Variants in ZNF101 observed in about 807,000 individuals in gnomAD.
ZNF101 encodes the protein zinc finger protein 101.
ZNF101 carries 34 observed loss-of-function variants against 42.6 expected under a neutral mutation model. The observed-to-expected ratio is 0.80, with a 90% confidence interval of 0.61 to 1.06. The LOEUF is 1.06. ZNF101 is among the 50% of genes least tolerant of loss of function. ZNF101 has a pLI of 0.00. For synonymous variants in ZNF101, 158 were observed against 183.9 expected, an observed-to-expected ratio of 0.86 and a Z score of 1.14; for missense variants, 466 against 530.9, an observed-to-expected ratio of 0.88 and a Z score of 1.20.
Position 19,679,518 on chromosome 19 carries a change from G to T in ZNF101, c.529G>T (p.Ala177Ser), listed in dbSNP as rs2062224409. 6.2e-7 allele frequency: 1 copy of T among 1,614,054 alleles called. No homozygotes were observed. Among genetic ancestry groups the T allele is most frequent in the Non-Finnish European group, 8.5e-7 (1 of 1,180,042 alleles). ...RPYECKVCGK[A>S]FNSPNLFQIH... Reference sequence around the variant, plus strand: ...TTATGAATGCAAGGTGTGCGGGAAAGCCTTTAATTCTCCCAATTTATTTCA... The same window carrying T: ...TTATGAATGCAAGGTGTGCGGGAAATCCTTTAATTCTCCCAATTTATTTCA... Residue 177 changes from alanine (A) to serine (S), a missense_variant, in exon 4 of 4, where the codon GCC becomes TCC. Ala to Ser is a moderately conservative substitution (Grantham distance 99). Transcript: ENST00000592502.
chr19:19,671,213 A>T (rs913202351), intron 1 of ZNF101, among the ~76,000 whole-genome samples: 4 of 152,130 alleles, frequency 2.6e-5, no homozygotes, highest in African/African-American at 9.7e-5. Context: ...GGAATTTGTG[A>T]TGGTGGATAA....
chr19:19,669,251 C>T (rs1034994427), intron 1 of ZNF101, among the ~76,000 whole-genome samples: 4 of 152,188 alleles, frequency 2.6e-5, no homozygotes, highest in African/African-American at 9.6e-5. Context: ...GGGGGAATCC[C>T]GCCTCGGGTG....
At chr19:19,673,548 A>G (rs1353059846) in intron 1 of ZNF101, among the ~76,000 whole-genome samples, 1 of 151,662 alleles carries the variant, frequency 6.6e-6, no homozygotes, top group Non-Finnish European at 1.5e-5. Context: ...GCACCTGGCC[A>G]AATAATGTAA....
intron 1 of ZNF101, among the ~76,000 whole-genome samples, chr19:19,671,351 A>G (rs2062168425): frequency 6.6e-6 from 1 of 152,180 alleles, no homozygotes. Context: ...TGGAAAAAAT[A>G]CTGAATGACA....
intron 1 of ZNF101, among the ~76,000 whole-genome samples, chr19:19,675,190 T>G (rs1354119714): frequency 6.6e-6 from 1 of 151,702 alleles, no homozygotes; most frequent in East Asian, 1.9e-4. Context: ...CAGGCTGGAG[T>G]GTAATGGCAT....
Position 19,677,919 on chromosome 19 carries a change from T to C in ZNF101, c.59T>C (p.Leu20Ser). The C allele has an allele frequency of 6.2e-7, 1 of 1,612,724 alleles. No individual in the cohort carries two copies. Residue 20 changes from leucine to serine, a missense_variant, in exon 2 of 4, where the codon TTG becomes TCG. Physicochemically the swap from Leu to Ser is moderately radical, Grantham distance 145 (BLOSUM62 -2). Transcript: ENST00000592502. Reference sequence around the variant, plus strand: ...AACTTCACCCAGGAGGAGTGGGCTTTGCTGAGTCCTTCCCAGAAGAATCTC... The same window carrying C: ...AACTTCACCCAGGAGGAGTGGGCTTCGCTGAGTCCTTCCCAGAAGAATCTC... ...AVNFTQEEWALLSPSQKNLYR... is the reference protein window; with the variant it reads ...AVNFTQEEWASLSPSQKNLYR...
intron 1 of ZNF101, 139 bp from the exon 2 acceptor site, chr19:19,677,725 G>A (rs191797000): frequency 1.3e-6 from 1 of 797,462 alleles, no homozygotes; most frequent in Admixed American, 5.2e-5. Flanking sequence ...GGAAGTGCGT[G>A]TAGATAGGAG....
intron 3 of ZNF101, 146 bp from the exon 4 acceptor site, chr19:19,679,034 CA>C (rs1361802961): frequency 3.2e-5 from 43 of 1,358,688 alleles, no homozygotes; most frequent in Non-Finnish European, 4.2e-5. Flanking sequence ...GCAGAATCAT[CA>C]ATACACTTCC....
Position 19,679,426 on chromosome 19 carries a change from A to G in ZNF101, c.437A>G (p.His146Arg), listed in dbSNP as rs138984536. 9.6e-4 allele frequency: 1,546 copies of G among 1,614,054 alleles called. 3 individuals carry two copies. The highest frequency in any genetic ancestry group is 1.3e-3 in the Non-Finnish European group (1,499 of 1,179,952). ...GAGACGCCCCGTAAACAGAAACAAC[A>G]TGGGAAAGCCTCCATTTCCCCCAGT... Reference protein sequence around the residue: ...WRETPRKQKQHGKASISPSSG... With the variant: ...WRETPRKQKQRGKASISPSSG... The change falls in exon 4 of 4, where the codon CAT (histidine) becomes CGT (arginine). Residue 146 changes from histidine (H) to arginine (R), a missense_variant. Coordinates refer to ENST00000592502, the MANE Select transcript of ZNF101 (RefSeq NM_033204.4).
chr19:19,668,921 T>A lies in ZNF101; in HGVS notation c.-43T>A. On this transcript the variant is annotated 5_prime_UTR_variant, in exon 1 of 4. Coordinates refer to ENST00000592502, the MANE Select transcript of ZNF101 (RefSeq NM_033204.4). Reference sequence around the variant, plus strand: ...TTTGTCGTGTGGGACCTGTTCTGGCTGCTCCAGCCCCAGGAAGGACCCAGG... The same window carrying A: ...TTTGTCGTGTGGGACCTGTTCTGGCAGCTCCAGCCCCAGGAAGGACCCAGG... 6.4e-7 allele frequency: 1 copy of A among 1,573,988 alleles called. No homozygotes were observed. Among genetic ancestry groups the A allele is most frequent in the Non-Finnish European group, 8.6e-7 (1 of 1,160,092 alleles).
intron 1 of ZNF101, 148 bp from the exon 2 acceptor site, chr19:19,677,716 G>C: frequency 8.6e-7 from 1 of 1,164,406 alleles, no homozygotes; most frequent in Non-Finnish European, 1.1e-6. Flanking sequence ...TGCGAGGGAG[G>C]AAGTGCGTGT....
chr19:19,678,906 A>G (rs1409030881), intron 3 of ZNF101, 120 bp downstream of exon 3: 1 of 1,012,188 alleles, frequency 9.9e-7, no homozygotes, highest in Admixed American at 2.9e-5. Flanking sequence ...GATTATTAGA[A>G]GATTGCTACC....
rs979201723 is a variant in ZNF101 at position 19,678,643 on chromosome 19, G to T, written c.131-83G>T. On this transcript the variant is annotated intron_variant, in intron 2 of 3. Coordinates refer to ENST00000592502, the MANE Select transcript of ZNF101 (RefSeq NM_033204.4). The stretch of plus-strand genomic sequence containing the variant: ...AAAAAAAAAAAAATCAGGCATTGTG[G>T]CAGTGTTTAATGAACTTAGAACCTA... The T allele has an allele frequency of 1.3e-5, 16 of 1,189,224 alleles. No individual in the cohort carries two copies. The Admixed American group carries it at 2.2e-4, about 16-fold the overall frequency. The allele number at this position is 1,189,224 out of a possible 1,614,324, so 73.7% of individuals were successfully genotyped here. A position where few individuals can be genotyped will look rare whatever the true frequency, so the allele number is the denominator to read the frequency against.
chr19:19,671,636 A>G (rs2062171071), intron 1 of ZNF101, among the ~76,000 whole-genome samples: 1 of 151,322 alleles, frequency 6.6e-6, no homozygotes, highest in South Asian at 2.1e-4. Flanking sequence ...AGTAGCTGGG[A>G]CTACAGGTGC....
rs201804406 is a variant in ZNF101 at position 19,679,326 on chromosome 19, C to A, written c.337C>A (p.Arg113Ser). ...KCSVCGKVFL[R>S]HSFLDRHMRA... Reference sequence around the variant, plus strand: ...CAGCGTGTGTGGGAAAGTCTTCCTCCGTCATTCATTCCTGGACAGGCACAT... The same window carrying A: ...CAGCGTGTGTGGGAAAGTCTTCCTCAGTCATTCATTCCTGGACAGGCACAT... Residue 113 changes from arginine (R) to serine (S), a missense_variant, in exon 4 of 4, where the codon CGT (arginine) becomes AGT (serine). Coordinates refer to ENST00000592502, the MANE Select transcript of ZNF101 (RefSeq NM_033204.4). The A allele has an allele frequency of 2.0e-5, 33 of 1,613,984 alleles. No individual in the cohort carries two copies. Among genetic ancestry groups the A allele is most frequent in the Non-Finnish European group, 2.6e-5 (31 of 1,180,030 alleles).
chr19:19,672,779 G>A (rs2062178886), intron 1 of ZNF101, among the ~76,000 whole-genome samples: 1 of 151,884 alleles, frequency 6.6e-6, no homozygotes, highest in Non-Finnish European at 1.5e-5. Flanking sequence ...CTCCCACTTC[G>A]ACCTCCCAAA....
At position 19,681,081 on chromosome 19, in the gene ZNF101, A is replaced by G. The variant is rs1164178346; in HGVS notation, c.*781A>G. ...CAGTGAGCTGAGATCGTGCCACTACACTCCAGCCTGGATGACGGTGACACT... is the reference window on the plus strand; with the variant it reads ...CAGTGAGCTGAGATCGTGCCACTACGCTCCAGCCTGGATGACGGTGACACT... On this transcript the variant is annotated 3_prime_UTR_variant, in exon 4 of 4. Transcript: ENST00000592502. 2 of 152,138 alleles carry G rather than the reference A, an allele frequency of 1.3e-5. No individual in the cohort carries two copies. Among genetic ancestry groups the G allele is most frequent in the East Asian group, 1.9e-4 (1 of 5,188 alleles). 9.4% of individuals were successfully genotyped at this position (152,138 alleles called of 1,614,324 possible). A position where few individuals can be genotyped will look rare whatever the true frequency, so the allele number is the denominator to read the frequency against.
rs2062223749 is a variant in ZNF101, at chr19:19,679,465, G to A, written c.476G>A (p.Arg159His). Reference sequence around the variant, plus strand: ...ATTTCCCCCAGTAGTGGTGCACGGCGCACAGTAACACCAACTCGAAAGAGA... The same window carrying A: ...ATTTCCCCCAGTAGTGGTGCACGGCACACAGTAACACCAACTCGAAAGAGA... Reference protein sequence around the residue: ...ASISPSSGARRTVTPTRKRPY... With the variant: ...ASISPSSGARHTVTPTRKRPY... Residue 159 changes from arginine to histidine, a missense_variant, in exon 4 of 4, where the codon CGC (arginine) becomes CAC (histidine). Transcript: ENST00000592502. 4.3e-6 allele frequency: 7 copies of A among 1,614,106 alleles called. No homozygotes were observed. The highest frequency in any genetic ancestry group is 5.9e-6 in the Non-Finnish European group (7 of 1,180,044).
chr19:19,671,783 GC>G (rs1485888041), intron 1 of ZNF101, among the ~76,000 whole-genome samples: 2 of 152,124 alleles, frequency 1.3e-5, no homozygotes, highest in Non-Finnish European at 2.9e-5. Context: ...ACAGGCGTGA[GC>G]CCCCGTGCCC....
Sources: allele counts gnomAD v4.1 joint callset (sites outside exome capture counted in the v4.1 genomes callset), GRCh38; gene constraint gnomAD v4.1.1; transcripts MANE v1.5; gene names NCBI Gene and HGNC (gene_info 2026-07-23, HGNC 2026-07-21).